PEAK1: variants seen among roughly 807,000 people sequenced by gnomAD.
PEAK1 encodes the protein pseudopodium enriched atypical kinase 1, also known as inactive tyrosine-protein kinase PEAK1.
A neutral mutation model predicts 124.7 loss-of-function variants in PEAK1; 54 were observed. The ratio of observed to expected loss-of-function variants is 0.43; its 90% CI spans 0.35 to 0.54. The LOEUF (loss-of-function observed/expected upper bound fraction) is 0.54. PEAK1 is among the 20% of genes least tolerant of loss of function. PEAK1 has a pLI of 0.01. For synonymous variants in PEAK1, 719 were observed against 760.0 expected (o/e 0.95, Z 0.89); for missense variants, 2,046 against 2,134.5 (o/e 0.96, Z 0.82).
chr15:77,278,215 A>G (rs1435611510), intron 5 of PEAK1, among the ~76,000 whole-genome samples: 2 of 152,214 alleles, frequency 1.3e-5, no homozygotes, highest in African/African-American at 4.8e-5. Context: ...CGAAATGTTC[A>G]TGAACAGGTG....
intron 7 of PEAK1, among the ~76,000 whole-genome samples, chr15:77,161,575 T>TTTAC (rs1386945218): frequency 2.0e-5 from 3 of 152,238 alleles, no homozygotes; most frequent in Non-Finnish European, 1.5e-5. Flanking sequence ...TTAATCTGCA[T>TTTAC]TTACAGTGAC....
At chr15:77,311,327 G>T (rs921626939) in intron 2 of PEAK1, among the ~76,000 whole-genome samples, 2 of 152,150 alleles carry the variant, frequency 1.3e-5, no homozygotes, top group Admixed American at 6.5e-5. Flanking sequence ...AAGGCATTGG[G>T]AGTAGTAAGA....
intron 6 of PEAK1, chr15:77,239,736 G>T: frequency 4.7e-6 from 3 of 632,268 alleles, no homozygotes; most frequent in Non-Finnish European, 5.9e-6. Context: ...TACAAACTGA[G>T]CAAGATTATG....
At chr15:77,204,860 T>A (rs1469126240) in intron 6 of PEAK1, 1 of 165,694 alleles carries the variant, frequency 6.0e-6, no homozygotes, top group East Asian at 1.8e-4. Flanking sequence ...GCTGAGATTG[T>A]GCCACTGCAC....
chr15:77,297,479 A>G (rs1027452514), intron 2 of PEAK1, among the ~76,000 whole-genome samples: 1 of 151,772 alleles, frequency 6.6e-6, no homozygotes, highest in East Asian at 1.9e-4. Context: ...CATCAATAGT[A>G]CTGGTCAAGC....
intron 6 of PEAK1, among the ~76,000 whole-genome samples, chr15:77,187,914 G>A (rs916988012): frequency 2.6e-5 from 4 of 152,110 alleles, no homozygotes; most frequent in Non-Finnish European, 4.4e-5. Flanking sequence ...AGGAAAATGT[G>A]ACAACCATAC....
intron 8 of PEAK1, among the ~76,000 whole-genome samples, chr15:77,146,103 G>T (rs2054157298): frequency 6.6e-6 from 1 of 152,168 alleles, no homozygotes; most frequent in Non-Finnish European, 1.5e-5. Context: ...GCATAGCGGG[G>T]AATACAAAGA....
intron 1 of PEAK1, among the ~76,000 whole-genome samples, chr15:77,366,650 G>A (rs1210677983): frequency 6.6e-6 from 1 of 152,056 alleles, no homozygotes; most frequent in African/African-American, 2.4e-5. Context: ...AGACCTCCCA[G>A]GCTCGAGTGA....
chr15:77,146,877 T>C (rs530626253), intron 8 of PEAK1, among the ~76,000 whole-genome samples: 2 of 152,322 alleles, frequency 1.3e-5, no homozygotes, highest in African/African-American at 4.8e-5. Flanking sequence ...CATTATTCTA[T>C]AATTACAACA....
chr15:77,154,407 A>G (rs2054935752), intron 8 of PEAK1, among the ~76,000 whole-genome samples: 1 of 152,122 alleles, frequency 6.6e-6, no homozygotes, highest in Admixed American at 6.5e-5. Context: ...TTTCCTGAAT[A>G]CAGCACACTG....
At chr15:77,388,147 T>C (rs1409219986) in intron 1 of PEAK1, among the ~76,000 whole-genome samples, 1 of 152,120 alleles carries the variant, frequency 6.6e-6, no homozygotes, top group Non-Finnish European at 1.5e-5. Flanking sequence ...TAAGTCATGA[T>C]AGCATCACTA....
chr15:77,115,268 C>G lies in PEAK1; in HGVS notation c.4129G>C (p.Val1377Leu). 1 of 1,614,208 alleles carries G rather than the reference C, an allele frequency of 6.2e-7. No homozygotes were observed. The highest frequency in any genetic ancestry group is 8.5e-7 in the Non-Finnish European group (1 of 1,180,030). ...ESQQYYHSLA[V>L]RQSLAVHFNI... is the part of the protein sequence containing the mutation. ...AAATGGACAGCCAGACTCTGCCGGA[C>G]AGCCAAGCTGTGATAATACTGCTGA... is the stretch of plus-strand genomic sequence containing the variant. The change falls in exon 10 of 10, where the codon GTC becomes CTC. Residue 1377 changes from valine (V) to leucine (L), a missense_variant. Transcript: ENST00000682557.
chr15:77,236,243 GC>G (rs1270651760), intron 6 of PEAK1, among the ~76,000 whole-genome samples: 49 of 152,328 alleles, frequency 3.2e-4, no homozygotes, highest in African/African-American at 1.2e-3. Flanking sequence ...GACATTCAGT[GC>G]CAGCCTGTGA....
chr15:77,392,565 A>T (rs996352758), intron 1 of PEAK1, among the ~76,000 whole-genome samples: 3 of 152,196 alleles, frequency 2.0e-5, no homozygotes, highest in African/African-American at 7.2e-5. Flanking sequence ...ACATTCATCT[A>T]TTCCTACATC....
chr15:77,147,221 T>C (rs1325246251), intron 8 of PEAK1, among the ~76,000 whole-genome samples: 1 of 152,210 alleles, frequency 6.6e-6, no homozygotes, highest in Non-Finnish European at 1.5e-5. Context: ...TGAACTTTCC[T>C]GAGCAGAGCC....
chr15:77,262,755 A>C (rs2061508129), intron 5 of PEAK1, among the ~76,000 whole-genome samples: 1 of 152,080 alleles, frequency 6.6e-6, no homozygotes, highest in Non-Finnish European at 1.5e-5. Context: ...AAGCAGACCT[A>C]ATAGACATCT....
intron 2 of PEAK1, among the ~76,000 whole-genome samples, chr15:77,300,789 C>G (rs2063745973): frequency 6.6e-6 from 1 of 152,028 alleles, no homozygotes; most frequent in African/African-American, 2.4e-5. Context: ...GTATTCGTTT[C>G]CTGTGGCTGT....
At chr15:77,141,163 A>C (rs2053755404) in intron 8 of PEAK1, among the ~76,000 whole-genome samples, 1 of 152,224 alleles carries the variant, frequency 6.6e-6, no homozygotes, top group Non-Finnish European at 1.5e-5. Context: ...ACACACAAAA[A>C]AACTATTAGA....
intron 2 of PEAK1, chr15:77,349,541 T>G (rs2067082751): frequency 5.1e-6 from 5 of 984,744 alleles, no homozygotes; most frequent in Non-Finnish European, 6.0e-6. Context: ...TTATTCTGTT[T>G]GTTCATAGAT....
Sources: gnomAD v4.1 joint callset for allele counts (sites outside exome capture counted in the v4.1 genomes callset) on GRCh38, gnomAD v4.1.1 for gene constraint, MANE v1.5 for transcripts, NCBI Gene and HGNC (gene_info 2026-07-23, HGNC 2026-07-21) for gene names.